The following OSMR variants were observed in gnomAD, a reference collection of about 807,000 sequenced individuals.
OSMR encodes oncostatin-M-specific receptor subunit beta.
OSMR carries 81 observed loss-of-function variants against 99.9 expected under a neutral mutation model. That is an observed-to-expected ratio of 0.81 (90% CI 0.68 to 0.97). The LOEUF is 0.97. OSMR is among the 50% of genes least tolerant of loss of function. OSMR has a pLI of 0.00. For missense variants in OSMR, 1,099 were observed against 1,153.4 expected (o/e 0.95, Z 0.68); for synonymous variants, 406 against 410.4 (o/e 0.99, Z 0.13).
intron 1 of OSMR, among the ~76,000 whole-genome samples, chr5:38,860,722 G>C (rs1042219036): frequency 6.6e-6 from 1 of 152,092 alleles, no homozygotes; most frequent in Non-Finnish European, 1.5e-5. Context: ...GCCCAGGCTG[G>C]AGTGCAATGG....
At chr5:38,883,249 T>A (rs903161644) in intron 4 of OSMR, among the ~76,000 whole-genome samples, 22 of 152,218 alleles carry the variant, frequency 1.4e-4, no homozygotes, top group Non-Finnish European at 2.2e-4. Context: ...TTGGATTTTT[T>A]AAAAACTTTT....
intron 7 of OSMR, chr5:38,903,619 C>T (rs1393346207): frequency 4.2e-6 from 1 of 235,872 alleles, no homozygotes. Context: ...ACTCCCCTTC[C>T]CAATTTGCCT....
intron 13 of OSMR, 30 bp from the exon 14 acceptor site, chr5:38,924,392 C>G (rs1746373317): frequency 1.9e-6 from 3 of 1,613,876 alleles, no homozygotes; most frequent in Non-Finnish European, 2.5e-6. Context: ...CAAATCATGA[C>G]TTTTCTCTTA....
chr5:38,864,898 A>G (rs916731349), intron 1 of OSMR, among the ~76,000 whole-genome samples: 1 of 152,166 alleles, frequency 6.6e-6, no homozygotes, highest in Non-Finnish European at 1.5e-5. Flanking sequence ...GTGGTGTCCC[A>G]TATGTCATGT....
In OSMR at chr5:38,876,201, T is replaced by A; in HGVS notation, c.74T>A (p.Val25Asp). ...LLSLRTYQSE[V>D]LAERLPLTPV... ...TCATACTTCATTTTGATCTTTTCAG[T>A]CTTGGCTGAACGTTTACCATTGACT... Residue 25 changes from valine to aspartate, a missense_variant and splice_region_variant, in exon 3 of 18, where the codon GTC becomes GAC. Transcript: ENST00000274276. 6.2e-7 allele frequency: 1 copy of A among 1,611,110 alleles called. No homozygotes were observed. The highest frequency in any genetic ancestry group is 8.5e-7 in the Non-Finnish European group (1 of 1,177,330).
chr5:38,882,474 C>G (rs834007), intron 4 of OSMR, among the ~76,000 whole-genome samples: 95,202 of 151,412 alleles, frequency 0.63, 30,309 homozygotes, highest in South Asian at 0.7. Flanking sequence ...ATTCTGGAGG[C>G]TGAGGCAGGA....
rs555875516 is a variant in OSMR at position 38,864,489 on chromosome 5, C to A, written c.-13-4543C>A. Among the ~76,000 whole-genome samples the A allele has an allele frequency of 4.0e-5, 6 of 150,160 alleles. No individual in the cohort carries two copies. The South Asian group carries it at 1.3e-3, about 32-fold the overall frequency. ...TTTGCTTATCTTGGAAAGACTATTTCTCTTTCATTTTTGAAGGATGGCTTT... is the reference window on the plus strand; with the variant it reads ...TTTGCTTATCTTGGAAAGACTATTTATCTTTCATTTTTGAAGGATGGCTTT... On this transcript the variant is annotated intron_variant, in intron 1 of 17. Coordinates refer to ENST00000274276, the MANE Select transcript of OSMR (RefSeq NM_003999.3).
intron 1 of OSMR, among the ~76,000 whole-genome samples, chr5:38,863,026 T>C (rs1741600541): frequency 6.6e-6 from 1 of 151,748 alleles, no homozygotes; most frequent in Non-Finnish European, 1.5e-5. Context: ...CAGTCAGGCG[T>C]GGCGGCGTGC....
chr5:38,941,546 T>C (rs932638854), intron 1 of OSMR: 1 of 231,026 alleles, frequency 4.3e-6, no homozygotes, highest in African/African-American at 2.2e-5. Flanking sequence ...ATGGGAAATA[T>C]TTTTAATTAA....
At chr5:38,942,000 G>T (rs950222349) in intron 1 of OSMR, 2 of 274,284 alleles carry the variant, frequency 7.3e-6, no homozygotes, top group African/African-American at 2.2e-5. Flanking sequence ...CTTTTAAAAT[G>T]AAAGAAAATA....
chr5:38,900,963 A>G (rs906425517), intron 7 of OSMR, among the ~76,000 whole-genome samples: 1 of 152,184 alleles, frequency 6.6e-6, no homozygotes, highest in African/African-American at 2.4e-5. Flanking sequence ...AGCTCTTTCC[A>G]TAATTCTTGT....
intron 3 of OSMR, among the ~76,000 whole-genome samples, chr5:38,877,911 T>C (rs1263063111): frequency 6.6e-6 from 1 of 152,226 alleles, no homozygotes. Flanking sequence ...AGTCCTCTTT[T>C]CAAGGGAAAG....
chr5:38,880,816 C>T (rs560219797), intron 3 of OSMR, among the ~76,000 whole-genome samples: 1 of 152,238 alleles, frequency 6.6e-6, no homozygotes, highest in Admixed American at 6.5e-5. Context: ...TGTAAACGGG[C>T]CTTTGAAGCC....
chr5:38,863,206 AG>A (rs1423494283), intron 1 of OSMR, among the ~76,000 whole-genome samples: 1 of 2,428 alleles, frequency 4.1e-4, no homozygotes, highest in African/African-American at 1.7e-3. Context: ...GGGGAGGGGG[AG>A]GGGGAGGGGG....
chr5:38,885,151 G>A (rs1330830642), intron 5 of OSMR, 198 bp from the exon 6 acceptor site: 1 of 983,198 alleles, frequency 1.0e-6, no homozygotes, highest in Non-Finnish European at 1.2e-6. Flanking sequence ...AATCACAAGG[G>A]CAGGAAGGAG....
intron 2 of OSMR, chr5:38,944,394 C>T (rs374273758): frequency 1.5e-4 from 233 of 1,553,294 alleles, no homozygotes; most frequent in Non-Finnish European, 1.8e-4. Context: ...TATCTTTTCT[C>T]GACTTAAAAA....
chr5:38,876,097 A>G (rs553829597), intron 2 of OSMR, 104 bp from the exon 3 acceptor site: 10 of 1,516,914 alleles, frequency 6.6e-6, no homozygotes, highest in Non-Finnish European at 8.0e-6. Context: ...TATGAGCAAT[A>G]TTTTCCAGAG....
chr5:38,870,959 A>G (rs1742338741), intron 2 of OSMR, among the ~76,000 whole-genome samples: 1 of 152,218 alleles, frequency 6.6e-6, no homozygotes, highest in East Asian at 1.9e-4. Flanking sequence ...TTCTAAGCAT[A>G]TCATTATTAA....
intron 15 of OSMR, among the ~76,000 whole-genome samples, chr5:38,930,327 G>A (rs115374235): frequency 2.6e-5 from 4 of 152,190 alleles, no homozygotes; most frequent in African/African-American, 9.6e-5. Flanking sequence ...TCTTACCTTC[G>A]TGGGTCCTTT....
Sources: gnomAD v4.1 joint callset for allele counts (sites outside exome capture counted in the v4.1 genomes callset) on GRCh38, gnomAD v4.1.1 for gene constraint, MANE v1.5 for transcripts, NCBI Gene and HGNC (gene_info 2026-07-23, HGNC 2026-07-21) for gene names.